The following PAPPA variants were observed in gnomAD, a reference collection of about 807,000 sequenced individuals.
PAPPA encodes pappalysin 1.
A neutral mutation model predicts 164.0 loss-of-function variants in PAPPA; 60 were observed. That is an observed-to-expected ratio of 0.37 (90% confidence interval 0.30 to 0.45). The LOEUF (loss-of-function observed/expected upper bound fraction) is 0.45. Among genes scored for constraint, PAPPA ranks in the 20% least tolerant of loss-of-function variants. The probability of loss-of-function intolerance (pLI) is 1.00; values close to 1 mark genes in which losing one functional copy is unlikely to be tolerated. For synonymous variants in PAPPA, 875 were observed against 814.1 expected (o/e 1.07, Z -1.27); for missense variants, 1,782 against 2,087.3 (o/e 0.85, Z 2.85).
chr9:116,248,785 A>G (rs771551830), intron 7 of PAPPA, among the ~76,000 whole-genome samples: 1 of 152,232 alleles, frequency 6.6e-6, no homozygotes, highest in Non-Finnish European at 1.5e-5. Flanking sequence ...ACAGATAAAT[A>G]AATGCATGCA....
In PAPPA at chr9:116,207,596, A is replaced by G; in HGVS notation, c.1619A>G (p.His540Arg). 1 of 1,612,854 alleles carries G rather than the reference A, an allele frequency of 6.2e-7. No individual in the cohort carries two copies. ...CCATGGGACAAGGAGGCCCTGATGC[A>G]CTTAGGTGAGTCTTAGAAACTCCTT... ...TWPWDKEALM[H>R]LGGIVLNPSF... The change falls in exon 3 of 22, where the codon CAC becomes CGC. Residue 540 changes from histidine (H) to arginine (R), a missense_variant. Transcript: ENST00000328252.
intron 1 of PAPPA, among the ~76,000 whole-genome samples, chr9:116,166,550 TGAC>T (rs1190293300): frequency 6.6e-6 from 1 of 152,212 alleles, no homozygotes; most frequent in African/African-American, 2.4e-5. Context: ...GACCTTGTGA[TGAC>T]CTCAGGATCT....
At chr9:116,282,847 T>C (rs1845284039) in intron 9 of PAPPA, among the ~76,000 whole-genome samples, 1 of 152,182 alleles carries the variant, frequency 6.6e-6, no homozygotes, top group African/African-American at 2.4e-5. Context: ...TAAGAAACAC[T>C]GTCTGAAGTG....
chr9:116,271,501 T>C lies in PAPPA; in HGVS notation c.2953+85T>C, dbSNP rs549333465. The C allele has an allele frequency of 2.2e-5, 21 of 938,120 alleles. No homozygotes were observed. Among genetic ancestry groups the C allele is most frequent in the Non-Finnish European group, 3.5e-5 (20 of 571,858 alleles). The allele number at this position is 938,120 out of a possible 1,614,324, so 58.1% of individuals were successfully genotyped here. A position where few individuals can be genotyped will look rare whatever the true frequency, so the allele number is the denominator to read the frequency against. Reference sequence around the variant, plus strand: ...TCAATGATAATGCCAACAATAGTTATGACTAAATGATGATTCACTCCTTTG... The same window carrying C: ...TCAATGATAATGCCAACAATAGTTACGACTAAATGATGATTCACTCCTTTG... On this transcript the variant is annotated intron_variant, in intron 9 of 21. Transcript: ENST00000328252. This position sits in a 1 kb window ranked among gnomAD's most constrained non-coding sequence, Gnocchi z 4.2.
intron 19 of PAPPA, among the ~76,000 whole-genome samples, chr9:116,370,306 T>G (rs1447530467): frequency 6.6e-6 from 1 of 152,048 alleles, no homozygotes; most frequent in Admixed American, 6.6e-5. Context: ...CCCTATCAGG[T>G]GGGTATTAGT....
chr9:116,158,944 G>A (rs1373030943), intron 1 of PAPPA, among the ~76,000 whole-genome samples: 1 of 152,174 alleles, frequency 6.6e-6, no homozygotes, highest in East Asian at 1.9e-4. Context: ...AGTCTTTTTG[G>A]AGAGAGAAGA....
rs1845062488 is a variant in PAPPA, at chr9:116,265,900, A to C, written c.2776A>C (p.Ile926Leu). 1 of 1,611,594 alleles carries C rather than the reference A, an allele frequency of 6.2e-7. No homozygotes were observed. The highest frequency in any genetic ancestry group is 1.3e-5 in the African/African-American group (1 of 74,886). The change falls in exon 8 of 22, where the codon ATT becomes CTT. Residue 926 changes from isoleucine to leucine, a missense_variant. Physicochemically the swap from Ile to Leu is conservative, Grantham distance 5 (BLOSUM62 2). This residue lies in a region of PAPPA where 1,324 missense variants were observed against 1,656.9 expected (regional missense o/e 0.80). Coordinates refer to ENST00000328252, the MANE Select transcript of PAPPA (RefSeq NM_002581.5). ...GSVYQYWVIT[I>L]SGTEESEPSP... ...TGTGTACCAGTATTGGGTCATAACT[A>C]TTTCAGGAACTGAAGAGAGTGAGCC...
chr9:116,154,366 C>T lies in PAPPA; in HGVS notation c.194C>T (p.Pro65Leu). 1 of 944,258 alleles carries T rather than the reference C, an allele frequency of 1.1e-6. No individual in the cohort carries two copies. Among genetic ancestry groups the T allele is most frequent in the Non-Finnish European group, 1.3e-6 (1 of 760,618 alleles). The allele number at this position is 944,258 out of a possible 1,614,324, so 58.5% of individuals were successfully genotyped here. Residue 65 changes from proline to leucine, a missense_variant, in exon 1 of 22, where the codon CCG (proline) becomes CTG (leucine). Pro to Leu is a moderately conservative substitution (Grantham distance 98). Transcript: ENST00000328252. The surrounding 1 kb of genome is among the most constrained non-coding windows in gnomAD (Gnocchi z 5.2). ...GCCTCGCCGCCGCCGCCGCCGCCGC[C>T]GGGCGGTGCCTGGGAAGCCGTGCGC... ...RRASPPPPPP[P>L]GGAWEAVRVP...
chr9:116,313,672 A>T (rs1286142977), intron 10 of PAPPA, among the ~76,000 whole-genome samples: 1 of 152,202 alleles, frequency 6.6e-6, no homozygotes, highest in Non-Finnish European at 1.5e-5. Flanking sequence ...AACTTCCATG[A>T]TGATGAAAAT....
chr9:116,344,085 G>T (rs189368675), intron 13 of PAPPA, among the ~76,000 whole-genome samples: 1 of 152,242 alleles, frequency 6.6e-6, no homozygotes, highest in East Asian at 1.9e-4. Context: ...TTTACTGAGT[G>T]CTTAGTATAT....
intron 21 of PAPPA, among the ~76,000 whole-genome samples, chr9:116,393,123 T>C (rs1846916467): frequency 6.6e-6 from 1 of 152,162 alleles, no homozygotes; most frequent in Non-Finnish European, 1.5e-5. Context: ...GGCAAGGCCT[T>C]ACCAGCCAAC....
chr9:116,224,602 A>G (rs1844482721), intron 5 of PAPPA, among the ~76,000 whole-genome samples: 1 of 152,246 alleles, frequency 6.6e-6, no homozygotes, highest in Non-Finnish European at 1.5e-5. Context: ...TTGGAGAAAC[A>G]CTGTCCAATA....
intron 1 of PAPPA, among the ~76,000 whole-genome samples, chr9:116,167,033 G>C (rs919532592): frequency 6.6e-6 from 1 of 152,220 alleles, no homozygotes; most frequent in African/African-American, 2.4e-5. Flanking sequence ...AAAAAGATTG[G>C]CTAAGAAATC....
intron 9 of PAPPA, among the ~76,000 whole-genome samples, chr9:116,275,686 A>G (rs1309409121): frequency 2.8e-5 from 4 of 144,316 alleles, no homozygotes; most frequent in East Asian, 2.0e-4. Context: ...CTTCTGCCTC[A>G]TATTCTTCTC....
At chr9:116,349,145 C>G (rs902366697) in intron 15 of PAPPA, among the ~76,000 whole-genome samples, 1 of 149,832 alleles carries the variant, frequency 6.7e-6, no homozygotes, top group Non-Finnish European at 1.5e-5. Flanking sequence ...TCCTTGCAAT[C>G]CCCCCGTACC....
At chr9:116,279,432 T>C (rs545388140) in intron 9 of PAPPA, among the ~76,000 whole-genome samples, 12 of 151,902 alleles carry the variant, frequency 7.9e-5, no homozygotes, top group Non-Finnish European at 1.5e-4. Flanking sequence ...GCTTACCACC[T>C]CCTTTGGAAA....
intron 6 of PAPPA, among the ~76,000 whole-genome samples, chr9:116,234,676 C>T (rs1319659706): frequency 6.6e-6 from 1 of 152,140 alleles, no homozygotes; most frequent in Non-Finnish European, 1.5e-5. Flanking sequence ...AAACTCGGTT[C>T]CAATGCTGGC....
intron 17 of PAPPA, among the ~76,000 whole-genome samples, chr9:116,359,737 A>C (rs759318267): frequency 3.5e-4 from 53 of 152,356 alleles, no homozygotes; most frequent in Non-Finnish European, 6.6e-4. Context: ...GGAGGTGGGA[A>C]AGCAAGAAAA....
intron 4 of PAPPA, among the ~76,000 whole-genome samples, chr9:116,216,916 A>G (rs1163788423): frequency 6.6e-6 from 1 of 151,516 alleles, no homozygotes; most frequent in Non-Finnish European, 1.5e-5. Flanking sequence ...TAATTTTTGT[A>G]TTTTTGGTGG....
Sources: allele counts gnomAD v4.1 joint callset (sites outside exome capture counted in the v4.1 genomes callset), GRCh38; gene constraint gnomAD v4.1.1; regional missense constraint gnomAD v4.1.1; non-coding constraint Gnocchi (gnomAD v3.1); transcripts MANE v1.5; gene names NCBI Gene and HGNC (gene_info 2026-07-23, HGNC 2026-07-21).